The following CHODL variants were observed in gnomAD, a reference collection of about 807,000 sequenced individuals.
CHODL encodes transmembrane protein MT75.
Under a neutral mutation model 34.5 loss-of-function variants are expected in CHODL, and 29 were observed. The ratio of observed to expected loss-of-function variants is 0.84; its 90% CI spans 0.63 to 1.15. The LOEUF is 1.15. CHODL is among the 50% of genes most tolerant of loss of function. The probability of loss-of-function intolerance (pLI) is 0.00; values close to 1 mark genes in which losing one functional copy is unlikely to be tolerated. For missense variants in CHODL, 332 were observed against 332.5 expected (o/e 1.00, Z 0.01); for synonymous variants, 125 against 116.1 (o/e 1.08, Z -0.49).
intron 2 of CHODL, among the ~76,000 whole-genome samples, chr21:18,058,732 A>G (rs1364070820): frequency 1.3e-5 from 2 of 152,162 alleles, no homozygotes; most frequent in African/African-American, 2.4e-5. Context: ...TTGGCCTTTC[A>G]TGAGCTCATG....
Position 18,151,878 on chromosome 21 carries a change from C to T in CHODL, c.-44-104631C>T, listed in dbSNP as rs79925401. On this transcript the variant is annotated intron_variant, in intron 2 of 6. Transcript: ENST00000400127. Reference sequence around the variant, plus strand: ...ACAGTTTGAGGTTTTTTCTTCAGCTCACACCTCCAAATGCCTTACCTTCTA... The same window carrying T: ...ACAGTTTGAGGTTTTTTCTTCAGCTTACACCTCCAAATGCCTTACCTTCTA... Among the ~76,000 whole-genome samples, 774 of 152,174 alleles carry T rather than the reference C, an allele frequency of 5.1e-3. 3 individuals carry two copies. Among genetic ancestry groups the T allele is most frequent in the Non-Finnish European group, 6.9e-3 (469 of 68,004 alleles).
chr21:17,953,799 C>A (rs2063476810), intron 1 of CHODL, among the ~76,000 whole-genome samples: 1 of 152,134 alleles, frequency 6.6e-6, no homozygotes, highest in African/African-American at 2.4e-5. Flanking sequence ...ATCATGAGGT[C>A]AGGAGTCCAA....
chr21:18,012,059 C>G (rs933696790), intron 1 of CHODL, among the ~76,000 whole-genome samples: 1 of 152,198 alleles, frequency 6.6e-6, no homozygotes, highest in Non-Finnish European at 1.5e-5. Context: ...GCCCATTTAA[C>G]TATTTGAAGT....
intron 2 of CHODL, among the ~76,000 whole-genome samples, chr21:18,160,244 AG>A (rs1236141765): frequency 6.6e-6 from 1 of 152,212 alleles, no homozygotes; most frequent in Admixed American, 6.5e-5. Flanking sequence ...AAGGTCTCAA[AG>A]GAAGAAGAAT....
intron 1 of CHODL, among the ~76,000 whole-genome samples, chr21:17,948,628 A>T (rs1011056066): frequency 6.6e-6 from 1 of 152,114 alleles, no homozygotes; most frequent in Non-Finnish European, 1.5e-5. Context: ...ACAAACAATT[A>T]TATGCCAACA....
intron 1 of CHODL, among the ~76,000 whole-genome samples, chr21:18,249,771 T>C (rs1163657568): frequency 6.6e-6 from 1 of 152,166 alleles, no homozygotes; most frequent in African/African-American, 2.4e-5. Context: ...ACTGCCCTCT[T>C]TGCCTCATTT....
At chr21:18,213,076 A>G (rs1310151549) in intron 2 of CHODL, among the ~76,000 whole-genome samples, 1 of 152,146 alleles carries the variant, frequency 6.6e-6, no homozygotes, top group Non-Finnish European at 1.5e-5. Flanking sequence ...CAAACAAATG[A>G]TCTGGGTCCA....
chr21:18,106,501 CTT>C (rs60995338), intron 2 of CHODL, among the ~76,000 whole-genome samples: 4 of 133,228 alleles, frequency 3.0e-5, no homozygotes, highest in Non-Finnish European at 4.6e-5. Context: ...TTTTCTTTTT[CTT>C]TTTTTTTTTT....
At chr21:18,019,627 A>T (rs1236988482) in intron 1 of CHODL, among the ~76,000 whole-genome samples, 1 of 152,194 alleles carries the variant, frequency 6.6e-6, no homozygotes, top group Non-Finnish European at 1.5e-5. Context: ...AATTTAAAAA[A>T]AACTTTAAAA....
chr21:18,207,984 C>T (rs2073731951), intron 2 of CHODL, among the ~76,000 whole-genome samples: 1 of 151,902 alleles, frequency 6.6e-6, no homozygotes, highest in Non-Finnish European at 1.5e-5. Flanking sequence ...CCTTCTTGTA[C>T]TTGAACATTA....
intron 1 of CHODL, among the ~76,000 whole-genome samples, chr21:17,919,742 T>C (rs769518331): frequency 1.5e-4 from 23 of 152,218 alleles, no homozygotes; most frequent in Non-Finnish European, 2.2e-4. Flanking sequence ...GATTTTCTTT[T>C]CTATAGCATT....
chr21:18,249,975 A>T (rs115491603), intron 1 of CHODL, among the ~76,000 whole-genome samples: 6,320 of 152,232 alleles, frequency 0.042, 425 homozygotes, highest in African/African-American at 0.15. Flanking sequence ...TGAACAGTCT[A>T]TAAGAGGGAC....
In CHODL at chr21:18,245,071, C is replaced by A; in HGVS notation, c.-153C>A. On this transcript the variant is annotated 5_prime_UTR_variant, in exon 1 of 6. Transcript: ENST00000299295. Reference sequence around the variant, plus strand: ...GCAGGCGGCAGGTCCCGGCCGAAGGCGATGCGCGCAGGGGGTCGGGCAGCT... The same window carrying A: ...GCAGGCGGCAGGTCCCGGCCGAAGGAGATGCGCGCAGGGGGTCGGGCAGCT... The A allele has an allele frequency of 1.7e-6, 1 of 593,864 alleles. No individual in the cohort carries two copies. The highest frequency in any genetic ancestry group is 2.7e-6 in the Non-Finnish European group (1 of 374,170). The allele number at this position is 593,864 out of a possible 1,614,324, so 36.8% of individuals were successfully genotyped here.
At chr21:17,931,857 G>C (rs577665189) in intron 1 of CHODL, among the ~76,000 whole-genome samples, 1 of 152,086 alleles carries the variant, frequency 6.6e-6, no homozygotes, top group Non-Finnish European at 1.5e-5. Flanking sequence ...AATCCTCGAA[G>C]AAAACATGGG....
chr21:18,167,139 C>A (rs2073163820), intron 2 of CHODL, among the ~76,000 whole-genome samples: 1 of 150,818 alleles, frequency 6.6e-6, no homozygotes, highest in African/African-American at 2.4e-5. Flanking sequence ...ACAGGTGAGA[C>A]AAATATCCAA....
intron 1 of CHODL, among the ~76,000 whole-genome samples, chr21:18,009,792 A>G (rs575443850): frequency 1.2e-4 from 18 of 150,132 alleles, no homozygotes; most frequent in African/African-American, 3.0e-4. Flanking sequence ...GGAGGCTGAG[A>G]CAGGAGAATG....
At chr21:18,039,689 C>G (rs1434369301) in intron 2 of CHODL, among the ~76,000 whole-genome samples, 1 of 151,670 alleles carries the variant, frequency 6.6e-6, no homozygotes, top group Non-Finnish European at 1.5e-5. Flanking sequence ...ATAAATTACT[C>G]CCTATCCTCT....
intron 2 of CHODL, among the ~76,000 whole-genome samples, chr21:18,072,273 C>T (rs2064815125): frequency 6.6e-6 from 1 of 151,928 alleles, no homozygotes; most frequent in Admixed American, 6.6e-5. Context: ...GAAAGCTCTC[C>T]CTCCTTATGG....
At chr21:18,251,974 T>C (rs2074262331) in intron 1 of CHODL, among the ~76,000 whole-genome samples, 1 of 151,882 alleles carries the variant, frequency 6.6e-6, no homozygotes. Context: ...CTTACATATT[T>C]AAATACTTTT....
Sources: allele counts gnomAD v4.1 joint callset (sites outside exome capture counted in the v4.1 genomes callset), GRCh38; gene constraint gnomAD v4.1.1; transcripts MANE v1.5; gene names NCBI Gene and HGNC (gene_info 2026-07-23, HGNC 2026-07-21).